The following ANK2 variants were observed in gnomAD, a reference collection of about 807,000 sequenced individuals.
The protein encoded by ANK2 is ankyrin 2.
Under a neutral mutation model 360.5 loss-of-function variants are expected in ANK2, and 83 were observed. The ratio of observed to expected loss-of-function variants is 0.23; its 90% CI spans 0.19 to 0.28. The LOEUF (loss-of-function observed/expected upper bound fraction) is 0.28. Ranked by LOEUF, ANK2 falls within the 10% of genes least tolerant of loss-of-function variation. ANK2 has a pLI of 1.00. For missense variants in ANK2, 4,201 were observed against 4,795.7 expected (o/e 0.88, Z 3.66); for synonymous variants, 1,740 against 1,759.5 (o/e 0.99, Z 0.28).
At chr4:112,777,904 C>T in the ANK2 span, among the ~76,000 whole-genome samples, 1 of 151,430 alleles carries the variant, frequency 6.6e-6, no homozygotes, top group Non-Finnish European at 1.5e-5. Context: ...AGGCTTGAGC[C>T]ACCGCGCCCG....
At chr4:113,241,848 C>CTATA (rs1293512732) in intron 8 of ANK2, among the ~76,000 whole-genome samples, 1 of 152,190 alleles carries the variant, frequency 6.6e-6, no homozygotes, top group African/African-American at 2.4e-5. Flanking sequence ...TGTCTCTTGA[C>CTATA]TATAACTTGT....
At chr4:113,086,178 A>T (rs981641866) in intron 1 of ANK2, among the ~76,000 whole-genome samples, 8 of 152,322 alleles carry the variant, frequency 5.3e-5, no homozygotes, top group African/African-American at 1.9e-4. Context: ...GAACCACTGC[A>T]TCCTGTTAAT....
At chr4:113,033,532 C>T (rs1454777114) in intron 2 of ANK2, among the ~76,000 whole-genome samples, 2 of 151,788 alleles carry the variant, frequency 1.3e-5, no homozygotes, top group Non-Finnish European at 2.9e-5. Context: ...TGTCACATGC[C>T]TAGTTATATC....
At chr4:112,972,153 G>T (rs1407096255) in intron 2 of ANK2, among the ~76,000 whole-genome samples, 1 of 152,154 alleles carries the variant, frequency 6.6e-6, no homozygotes, top group South Asian at 2.1e-4. Context: ...ATAGACTGTA[G>T]ATGCTATTGT....
rs576008002 is a variant in ANK2, at chr4:112,952,962, G to C, written c.21+48448G>C. On this transcript the variant is annotated intron_variant, in intron 2 of 30. Coordinates refer to the ANK2 transcript ENST00000503271. The stretch of plus-strand genomic sequence containing the variant: ...AGTAATGATAATAACAGCAGCAACA[G>C]CATCACTACAGAAATTGTTGACAAA... Among the ~76,000 whole-genome samples the C allele has an allele frequency of 7.0e-4, 107 of 152,272 alleles. 4 individuals are homozygous for C. Among genetic ancestry groups the C allele is most frequent in the Non-Finnish European group, 1.3e-4 (9 of 68,010 alleles).
At chr4:113,226,127 T>C (rs959796150) in intron 4 of ANK2, among the ~76,000 whole-genome samples, 1 of 152,204 alleles carries the variant, frequency 6.6e-6, no homozygotes. Flanking sequence ...TCTTGGGATT[T>C]AACAAAAACC....
intron 19 of ANK2, 74 bp downstream of exon 19, chr4:113,287,777 C>T: frequency 7.8e-7 from 1 of 1,278,260 alleles, no homozygotes. Context: ...TTCGGGTCAC[C>T]CCATGTCCAG....
At chr4:112,917,815 T>C (rs948666590) in intron 2 of ANK2, among the ~76,000 whole-genome samples, 5 of 152,210 alleles carry the variant, frequency 3.3e-5, no homozygotes, top group Non-Finnish European at 5.9e-5. Context: ...CCAAATTAAT[T>C]TGGTGTTCTG....
chr4:112,887,041 C>G (rs1348239127), intron 1 of ANK2, among the ~76,000 whole-genome samples: 1 of 152,142 alleles, frequency 6.6e-6, no homozygotes, highest in Non-Finnish European at 1.5e-5. Context: ...AGAGGCTTCC[C>G]TGAATTCCTC....
rs185436847 is a variant in ANK2 at position 112,973,470 on chromosome 4, G to C, written c.21+68956G>C. On this transcript the variant is annotated intron_variant, in intron 2 of 30. Transcript: ENST00000503271. ...CAGAGCTTCTGACTAGTTCAGCGCT[G>C]TTCCATCTTCTCTTTCCATCCTGCT... Among the ~76,000 whole-genome samples, 6 of 152,306 alleles carry C rather than the reference G, an allele frequency of 3.9e-5. No homozygotes were observed. The East Asian group carries it at 9.6e-4, about 24-fold the overall frequency.
At chr4:113,272,035 G>T (rs1448593085) in intron 14 of ANK2, among the ~76,000 whole-genome samples, 1 of 152,152 alleles carries the variant, frequency 6.6e-6, no homozygotes, top group East Asian at 1.9e-4. Context: ...CAATCCCAGG[G>T]GTCCTAGGCT....
chr4:113,001,688 C>CA (rs2050741902), intron 2 of ANK2, among the ~76,000 whole-genome samples: 1 of 152,160 alleles, frequency 6.6e-6, no homozygotes, highest in South Asian at 2.1e-4. Context: ...GGTCATTCCT[C>CA]AGTCAGTCTA....
chr4:112,881,842 T>A (rs2076774287), intron 1 of ANK2: 1 of 923,478 alleles, frequency 1.1e-6, no homozygotes, highest in Non-Finnish European at 1.7e-6. Context: ...TTTTTCACAG[T>A]TAAGTGGGCA....
At chr4:113,234,340 T>C (rs1215024955) in intron 5 of ANK2, among the ~76,000 whole-genome samples, 1 of 152,260 alleles carries the variant, frequency 6.6e-6, no homozygotes, top group Non-Finnish European at 1.5e-5. Context: ...ATAAATCATG[T>C]GAGGTTTTAA....
Position 113,258,341 on chromosome 4 carries a change from C to T in ANK2, c.1316C>T (p.Ala439Val), listed in dbSNP as rs1352364554. Reference sequence around the variant, plus strand: ...GGCCTCACACCAATACATGTGGCTGCCTTCATGGGCCACTTGAACATTGTC... The same window carrying T: ...GGCCTCACACCAATACATGTGGCTGTCTTCATGGGCCACTTGAACATTGTC... ...ESGLTPIHVA[A>V]FMGHLNIVLL... The change falls in exon 13 of 46, where the codon GCC (alanine) becomes GTC (valine). Residue 439 changes from alanine to valine, a missense_variant. This residue lies in a region of ANK2 where 1,268 missense variants were observed against 1,650.8 expected (regional missense o/e 0.77). Transcript: ENST00000357077. 6.2e-7 allele frequency: 1 copy of T among 1,614,112 alleles called. No individual in the cohort carries two copies. The highest frequency in any genetic ancestry group is 8.5e-7 in the Non-Finnish European group (1 of 1,180,022).
At chr4:112,828,069 A>G (rs1236091970) in intron 1 of ANK2, among the ~76,000 whole-genome samples, 1 of 152,148 alleles carries the variant, frequency 6.6e-6, no homozygotes, top group Non-Finnish European at 1.5e-5. Flanking sequence ...TCGCAAACCT[A>G]CAACCATCTG....
At chr4:113,297,702 C>A (rs995267562) in intron 22 of ANK2, among the ~76,000 whole-genome samples, 2 of 152,010 alleles carry the variant, frequency 1.3e-5, no homozygotes, top group Non-Finnish European at 2.9e-5. Flanking sequence ...CTTGCACAAA[C>A]AATATCAATA....
At chr4:113,342,912 T>G in intron 33 of ANK2, 105 bp from the exon 34 acceptor site, 1 of 1,391,020 alleles carries the variant, frequency 7.2e-7, no homozygotes, top group South Asian at 1.2e-5. Flanking sequence ...TGGTTGTATG[T>G]GTATTATAAG....
At chr4:113,230,696 A>G (rs1359335711) in intron 4 of ANK2, among the ~76,000 whole-genome samples, 1 of 152,206 alleles carries the variant, frequency 6.6e-6, no homozygotes, top group Non-Finnish European at 1.5e-5. Flanking sequence ...TTTTTCCTTA[A>G]TGAGACATTA....
Sources: allele counts gnomAD v4.1 joint callset (sites outside exome capture counted in the v4.1 genomes callset), GRCh38; gene constraint gnomAD v4.1.1; regional missense constraint gnomAD v4.1.1; transcripts MANE v1.5; gene names NCBI Gene and HGNC (gene_info 2026-07-23, HGNC 2026-07-21).